The following QTGAL variants were observed in gnomAD, a reference collection of about 807,000 sequenced individuals.
QTGAL encodes the protein BGnT-like protein 1.
At chr17:82,951,368 A>G in the QTGAL span, among the ~76,000 whole-genome samples, 1 of 152,212 alleles carries the variant, frequency 6.6e-6, no homozygotes, top group East Asian at 1.9e-4. Context: ...AACCTCTGCT[A>G]GCTTCAAACT....
the QTGAL span, among the ~76,000 whole-genome samples, chr17:83,028,187 A>G: frequency 2.0e-4 from 30 of 152,214 alleles, no homozygotes; most frequent in African/African-American, 7.2e-4. Context: ...AGATATGGGC[A>G]TTTCATGAAA....
At chr17:83,041,173 G>C in the QTGAL span, among the ~76,000 whole-genome samples, 1 of 152,012 alleles carries the variant, frequency 6.6e-6, no homozygotes, top group East Asian at 1.9e-4. Context: ...CAAACACAGA[G>C]ATAGATGGGT....
At chr17:82,989,549 A>C in the QTGAL span, among the ~76,000 whole-genome samples, 1 of 152,092 alleles carries the variant, frequency 6.6e-6, no homozygotes, top group Non-Finnish European at 1.5e-5. Flanking sequence ...TTCACCCCAA[A>C]AGCCAAGATC....
the QTGAL span, chr17:83,051,606 G>T: frequency 1.1e-6 from 1 of 951,884 alleles, no homozygotes; most frequent in South Asian, 2.2e-5. Flanking sequence ...GCTCAGGGCG[G>T]AGACCCCGTA....
the QTGAL span, among the ~76,000 whole-genome samples, chr17:83,012,449 G>A: frequency 3.9e-5 from 6 of 152,324 alleles, no homozygotes; most frequent in South Asian, 2.1e-4. Flanking sequence ...TTCCTTAGAC[G>A]TCTGTATGAT....
the QTGAL span, among the ~76,000 whole-genome samples, chr17:82,996,499 A>G: frequency 2.7e-5 from 4 of 147,276 alleles, no homozygotes; most frequent in Admixed American, 1.4e-4. Context: ...TCCAGCCTGG[A>G]TGACAGAGCG....
At chr17:83,038,874 A>AAGATAATGAAAACAAGATATAAC in the QTGAL span, among the ~76,000 whole-genome samples, 3 of 140,670 alleles carry the variant, frequency 2.1e-5, no homozygotes, top group Admixed American at 7.1e-5. Context: ...CAACAAAAAA[A>AAGATAATGAAAACAAGATATAAC]TATTAAAAGA....
At chr17:82,946,780 G>A in the QTGAL span, 1 of 991,886 alleles carries the variant, frequency 1.0e-6, no homozygotes, top group Non-Finnish European at 1.5e-6. Flanking sequence ...CATAAGCAGA[G>A]GACTAACTGT....
the QTGAL span, among the ~76,000 whole-genome samples, chr17:83,050,313 T>C: frequency 6.6e-6 from 1 of 152,114 alleles, no homozygotes; most frequent in Middle Eastern, 3.2e-3. Context: ...GAGGTTGCGG[T>C]GAGCCGAGCT....
chr17:83,003,070 A>G, the QTGAL span, among the ~76,000 whole-genome samples: 32 of 11,256 alleles, frequency 2.8e-3, 1 homozygote, highest in African/African-American at 4.8e-3. Context: ...CCGCCCTCCC[A>G]CTCTCCGCAG....
At chr17:83,001,146 C>T in the QTGAL span, among the ~76,000 whole-genome samples, 4 of 152,152 alleles carry the variant, frequency 2.6e-5, no homozygotes, top group Non-Finnish European at 5.9e-5. Context: ...TATACATCAA[C>T]AAGACAAATG....
At chr17:83,034,957 C>T in the QTGAL span, 8 of 1,203,498 alleles carry the variant, frequency 6.6e-6, no homozygotes, top group South Asian at 5.2e-5. Flanking sequence ...TCAAGAACCG[C>T]ACTAAAATGT....
chr17:83,048,617 C>G, the QTGAL span: 1 of 1,605,924 alleles, frequency 6.2e-7, no homozygotes, highest in East Asian at 2.2e-5. Context: ...TCCGAACAGT[C>G]AACCGTTGCT....
chr17:82,974,315 A>C, the QTGAL span, among the ~76,000 whole-genome samples: 4 of 152,176 alleles, frequency 2.6e-5, no homozygotes, highest in Non-Finnish European at 4.4e-5. Context: ...TGTGCGTGAC[A>C]ACCACACAGG....
chr17:83,034,521 C>T, the QTGAL span, among the ~76,000 whole-genome samples: 1 of 148,074 alleles, frequency 6.8e-6, no homozygotes, highest in Non-Finnish European at 1.5e-5. Flanking sequence ...GAATTAATAA[C>T]TGATAAGGTT....
the QTGAL span, chr17:82,956,893 C>A: frequency 8.4e-7 from 1 of 1,190,346 alleles, no homozygotes; most frequent in South Asian, 1.3e-5. This position sits in a 1 kb window ranked among gnomAD's most constrained non-coding sequence, Gnocchi z 5.7. Flanking sequence ...CAGCAGATAA[C>A]GTGCCAGGGT....
At chr17:83,034,954 C>A in the QTGAL span, 1 of 1,174,950 alleles carries the variant, frequency 8.5e-7, no homozygotes, top group Non-Finnish European at 1.2e-6. Context: ...TTTTCAAGAA[C>A]CGCACTAAAA....
the QTGAL span, chr17:82,981,881 G>C: frequency 6.6e-6 from 1 of 152,264 alleles, no homozygotes; most frequent in South Asian, 2.1e-4. Flanking sequence ...TTCTTACAAT[G>C]AAGTAAGCTG....
the QTGAL span, among the ~76,000 whole-genome samples, chr17:82,964,748 C>T: frequency 2.3e-5 from 3 of 133,132 alleles, no homozygotes; most frequent in African/African-American, 5.7e-5. Flanking sequence ...GCAGGTGCAC[C>T]CCCACGGGGG....
Sources: allele counts gnomAD v4.1 joint callset (sites outside exome capture counted in the v4.1 genomes callset), GRCh38; gene constraint gnomAD v4.1.1; non-coding constraint Gnocchi (gnomAD v3.1); transcripts MANE v1.5; gene names NCBI Gene and HGNC (gene_info 2026-07-23, HGNC 2026-07-21).